The following MOCS1 variants were observed in gnomAD, a reference collection of about 807,000 sequenced individuals.
MOCS1 encodes the protein molybdenum cofactor synthesis 1, also known as molybdenum cofactor biosynthesis protein 1.
Under a neutral mutation model 57.6 loss-of-function variants are expected in MOCS1, and 39 were observed. The observed-to-expected ratio is 0.68, with a 90% CI of 0.52 to 0.88. MOCS1 has a LOEUF of 0.88. MOCS1 is among the 40% of genes least tolerant of loss of function. MOCS1 has a pLI of 0.00. For missense variants in MOCS1, 795 were observed against 831.1 expected (o/e 0.96, Z 0.53); for synonymous variants, 334 against 335.7 (o/e 1.00, Z 0.05).
In MOCS1 at chr6:39,925,714, C is replaced by T. The variant is rs751588004; in HGVS notation, c.382G>A (p.Glu128Lys). 2 of 1,612,716 alleles carry T rather than the reference C, an allele frequency of 1.2e-6. No individual in the cohort carries two copies. The highest frequency in any genetic ancestry group is 2.7e-5 in the African/African-American group (2 of 74,920). ...ACCACGTCCGGCCGGATAAGCGGCTCTCCACCTGTGAGCCGGATCTTGTCG... is the reference window on the plus strand; with the variant it reads ...ACCACGTCCGGCCGGATAAGCGGCTTTCCACCTGTGAGCCGGATCTTGTCG... ...GIDKIRLTGG[E>K]PLIRPDVVDI... The change falls in exon 3 of 11, where the codon GAG becomes AAG. Residue 128 changes from glutamate to lysine, a missense_variant. Physicochemically the swap from Glu to Lys is moderately conservative, Grantham distance 56. This residue lies in a region of MOCS1 where 416 missense variants were observed against 392.4 expected (regional missense o/e 1.06). Transcript: ENST00000340692.
chr6:39,905,453 A>C lies in MOCS1; in HGVS notation c.*904T>G. On this transcript the variant is annotated 3_prime_UTR_variant, in exon 11 of 11. Transcript: ENST00000340692. ...GGATAGGATTGATTGATTGATTGAT[A>C]GGTGCAGCCTTCCCTGTGAAACTGC... is the stretch of plus-strand genomic sequence containing the variant. The C allele has an allele frequency of 4.2e-6, 2 of 470,900 alleles. No individual in the cohort carries two copies. Among genetic ancestry groups the C allele is most frequent in the Non-Finnish European group, 8.8e-6 (2 of 227,054 alleles). The allele number at this position is 470,900 out of a possible 1,614,324, so 29.2% of individuals were successfully genotyped here. A position where few individuals can be genotyped will look rare whatever the true frequency, so the allele number is the denominator to read the frequency against.
At chr6:39,911,307 C>T (rs1767312114) in intron 8 of MOCS1, among the ~76,000 whole-genome samples, 2 of 152,182 alleles carry the variant, frequency 1.3e-5, no homozygotes, top group Non-Finnish European at 2.9e-5. Flanking sequence ...ACCCAACCCA[C>T]CATCATCACC....
At chr6:39,908,266 C>T (rs552677639) in intron 10 of MOCS1, among the ~76,000 whole-genome samples, 51 of 152,264 alleles carry the variant, frequency 3.3e-4, no homozygotes, top group Admixed American at 1.3e-3. Context: ...CATCTTTTCT[C>T]CCCCCTGCTT....
intron 3 of MOCS1, among the ~76,000 whole-genome samples, chr6:39,921,651 G>A (rs1024600275): frequency 2.6e-5 from 4 of 152,110 alleles, no homozygotes; most frequent in African/African-American, 9.7e-5. Flanking sequence ...AGCCTCTCAT[G>A]GGCTTTAAGC....
At chr6:39,915,328 ATCTTGAAGCTGTT>A (rs1378302908) in intron 4 of MOCS1, among the ~76,000 whole-genome samples, 1 of 151,978 alleles carries the variant, frequency 6.6e-6, no homozygotes, top group African/African-American at 2.4e-5. Flanking sequence ...GGTGGGGCTG[ATCTTGAAGCTGTT>A]TCCAAGGAAG....
At chr6:39,909,773 C>A (rs182249302) in intron 9 of MOCS1, 62 bp downstream of exon 9, 2 of 1,603,968 alleles carry the variant, frequency 1.2e-6, no homozygotes, top group East Asian at 4.5e-5. Context: ...CAACTCCACA[C>A]CTCCCTCCCA....
chr6:39,928,634 A>G (rs1338754469), intron 1 of MOCS1, among the ~76,000 whole-genome samples: 1 of 152,222 alleles, frequency 6.6e-6, no homozygotes, highest in Non-Finnish European at 1.5e-5. Flanking sequence ...GAATGGGAAT[A>G]AGAAACCCTG....
rs76271939 is a variant in MOCS1 at position 39,919,559 on chromosome 6, T to A, written c.419-3327A>T. 4.7e-3 allele frequency among the ~76,000 whole-genome samples: 707 copies of A among 151,076 alleles called. 5 individuals are homozygous for A. The highest frequency in any genetic ancestry group is 0.015 in the African/African-American group (638 of 41,240). On this transcript the variant is annotated intron_variant, in intron 3 of 10. Coordinates refer to ENST00000340692, the MANE Select transcript of MOCS1 (RefSeq NM_001358530.2). The stretch of plus-strand genomic sequence containing the variant: ...TGATAAGCTGATTTCAAAATTTACA[T>A]GGTCAAGCCTTAGTATATGTAAAAC...
At chr6:39,927,680 G>C in intron 1 of MOCS1, 3 of 1,547,486 alleles carry the variant, frequency 1.9e-6, no homozygotes, top group Non-Finnish European at 2.6e-6. Flanking sequence ...TTGGGGGTCG[G>C]GGGCGGATGG....
At chr6:39,926,165 C>T (rs144010874) in intron 2 of MOCS1, among the ~76,000 whole-genome samples, 275 of 152,334 alleles carry the variant, frequency 1.8e-3, no homozygotes, top group African/African-American at 6.0e-3. Context: ...ACTTCCTGGG[C>T]TGAGGGCACC....
intron 3 of MOCS1, among the ~76,000 whole-genome samples, chr6:39,922,305 T>C (rs1582827212): frequency 1.3e-5 from 2 of 152,260 alleles, no homozygotes; most frequent in South Asian, 4.1e-4. Context: ...GGAAGCTCTA[T>C]GGCAAGCTTG....
chr6:39,908,611 G>A (rs776592204), intron 10 of MOCS1, among the ~76,000 whole-genome samples: 10 of 152,184 alleles, frequency 6.6e-5, no homozygotes, highest in Non-Finnish European at 1.2e-4. Context: ...CAGCACAGAC[G>A]TCTGGCCACA....
intron 1 of MOCS1, among the ~76,000 whole-genome samples, chr6:39,928,432 G>A (rs1453467685): frequency 6.6e-6 from 1 of 152,166 alleles, no homozygotes; most frequent in Non-Finnish European, 1.5e-5. Flanking sequence ...CCAAAGTGCT[G>A]GGATTACAGG....
chr6:39,917,015 T>C (rs779509900), intron 3 of MOCS1, among the ~76,000 whole-genome samples: 3 of 152,170 alleles, frequency 2.0e-5, no homozygotes, highest in Non-Finnish European at 4.4e-5. Flanking sequence ...GTTGGCCTCA[T>C]CCTTCCCTGT....
At position 39,905,072 on chromosome 6, in the gene MOCS1, T is replaced by G. The variant is rs573651909; in HGVS notation, c.*1285A>C. ...AAATTGTCTTTTCCAGAGAGCTGGT[T>G]GTTTAATATTTGCCAGCACACCTTG... On this transcript the variant is annotated 3_prime_UTR_variant, in exon 11 of 11. Coordinates refer to ENST00000340692, the MANE Select transcript of MOCS1 (RefSeq NM_001358530.2). 10 of 454,290 alleles carry G rather than the reference T, an allele frequency of 2.2e-5. No homozygotes were observed. Among genetic ancestry groups the G allele is most frequent in the African/African-American group, 1.2e-4 (6 of 50,116 alleles). The allele number at this position is 454,290 out of a possible 1,614,324, so 28.1% of individuals were successfully genotyped here.
chr6:39,912,539 G>A (rs996811447), intron 7 of MOCS1, among the ~76,000 whole-genome samples, 165 bp from the exon 8 acceptor site: 2 of 152,182 alleles, frequency 1.3e-5, no homozygotes, highest in Admixed American at 6.5e-5. Context: ...CTGGTAGGAT[G>A]GATGACCCAT....
At position 39,907,056 on chromosome 6, in the gene MOCS1, C is replaced by T. The variant is rs11969233; in HGVS notation, c.1212G>A (p.Pro404=). 37 of 1,613,470 alleles carry T rather than the reference C, an allele frequency of 2.3e-5. No individual in the cohort carries two copies. Among genetic ancestry groups the T allele is most frequent in the African/African-American group, 2.7e-5 (2 of 74,970 alleles). ...PANPSIFSWD[P]LHVQGLRPRM... is the part of the protein sequence containing the mutation. ...TGGGTCTTAGACCCTGAACATGGAG[C>T]GGGTCCCAGGAGAAAATGCTTGGAT... Residue 404 remains proline, a synonymous_variant, in exon 11 of 11, where the codon CCG becomes CCA. Transcript: ENST00000340692.
intron 2 of MOCS1, among the ~76,000 whole-genome samples, chr6:39,926,300 GCTGCCGTCCTCTGTA>G (rs1291516601): frequency 1.3e-5 from 2 of 152,180 alleles, no homozygotes; most frequent in African/African-American, 4.8e-5. Context: ...CCTGGCAAAA[GCTGCCGTCCTCTGTA>G]GCTACAAGCA....
intron 3 of MOCS1, among the ~76,000 whole-genome samples, chr6:39,919,066 G>C (rs560973397): frequency 3.3e-5 from 5 of 152,194 alleles, no homozygotes; most frequent in Non-Finnish European, 5.9e-5. Context: ...AAGAATGCGA[G>C]TAGATAAAGG....
Sources: gnomAD v4.1 joint callset for allele counts (sites outside exome capture counted in the v4.1 genomes callset) on GRCh38, gnomAD v4.1.1 for gene constraint, gnomAD v4.1.1 regional missense constraint, MANE v1.5 for transcripts, NCBI Gene and HGNC (gene_info 2026-07-23, HGNC 2026-07-21) for gene names.